Variants in GRIP1 observed in about 807,000 individuals in gnomAD.
GRIP1 encodes glutamate receptor interacting protein 1, also known as glutamate receptor-interacting protein 1.
A neutral mutation model predicts 129.9 loss-of-function variants in GRIP1; 45 were observed. The observed-to-expected ratio is 0.35, with a 90% confidence interval of 0.27 to 0.44. The LOEUF is 0.44. Among genes scored for constraint, GRIP1 ranks in the 20% least tolerant of loss-of-function variants. The pLI is 1.00. For synonymous variants in GRIP1, 530 were observed against 520.8 expected, an observed-to-expected ratio of 1.02 and a Z score of -0.24; for missense variants, 1,196 against 1,396.8, an observed-to-expected ratio of 0.86 and a Z score of 2.29.
intron 2 of GRIP1, among the ~76,000 whole-genome samples, chr12:66,561,930 C>T (rs2062548529): frequency 6.6e-6 from 1 of 151,748 alleles, no homozygotes; most frequent in East Asian, 1.9e-4. Flanking sequence ...TCTGTCTCTA[C>T]AAAAAGATTT....
At chr12:66,522,863 T>G (rs12813160) in intron 5 of GRIP1, among the ~76,000 whole-genome samples, 7 of 151,890 alleles carry the variant, frequency 4.6e-5, no homozygotes, top group African/African-American at 1.7e-4. Flanking sequence ...AGCCAAGGCT[T>G]GAGAACTATG....
intron 1 of GRIP1, among the ~76,000 whole-genome samples, chr12:66,647,622 G>T (rs2032476389): frequency 6.6e-6 from 1 of 152,174 alleles, no homozygotes; most frequent in African/African-American, 2.4e-5. Flanking sequence ...GGAAGAGAAA[G>T]AAGGCTAACC....
intron 1 of GRIP1, among the ~76,000 whole-genome samples, chr12:66,962,569 C>T (rs1392629522): frequency 6.6e-6 from 1 of 152,032 alleles, no homozygotes; most frequent in African/African-American, 2.4e-5. Context: ...CCTATGAAGC[C>T]ACGGCATTAA....
At chr12:67,054,880 C>G (rs1589971) in intron 1 of GRIP1, among the ~76,000 whole-genome samples, 122,822 of 152,102 alleles carry the variant, frequency 0.81, 50,341 homozygotes, top group South Asian at 0.89. Context: ...GGAAAAGCAG[C>G]ATAATGTGAT....
At chr12:66,564,300 C>A (rs145604546) in intron 2 of GRIP1, among the ~76,000 whole-genome samples, 1 of 131,856 alleles carries the variant, frequency 7.6e-6, no homozygotes, top group African/African-American at 2.9e-5. Context: ...CAACAGGCTC[C>A]GGTGTGTGAT....
intron 1 of GRIP1, among the ~76,000 whole-genome samples, chr12:66,825,386 C>T (rs1411921900): frequency 6.6e-6 from 1 of 152,156 alleles, no homozygotes; most frequent in Non-Finnish European, 1.5e-5. Context: ...CACGCATGAT[C>T]ATATTATTTC....
intron 1 of GRIP1, among the ~76,000 whole-genome samples, chr12:66,867,886 C>CA (rs2040232590): frequency 6.6e-6 from 1 of 151,904 alleles, no homozygotes; most frequent in South Asian, 2.1e-4. Flanking sequence ...GAGCAGGGAA[C>CA]AAAAATCTTC....
chr12:66,581,015 T>A (rs960929604), intron 2 of GRIP1, among the ~76,000 whole-genome samples: 2 of 152,012 alleles, frequency 1.3e-5, no homozygotes, highest in South Asian at 2.1e-4. Context: ...GAAGTAAAGC[T>A]CTCCTCAGGA....
chr12:66,691,090 T>C (rs2034968421), intron 1 of GRIP1, among the ~76,000 whole-genome samples: 1 of 152,218 alleles, frequency 6.6e-6, no homozygotes, highest in Non-Finnish European at 1.5e-5. Flanking sequence ...TAGTCAAGGG[T>C]AATTTTCATT....
chr12:66,509,518 G>C (rs1208347616), intron 7 of GRIP1, among the ~76,000 whole-genome samples: 2 of 152,070 alleles, frequency 1.3e-5, no homozygotes, highest in Admixed American at 1.3e-4. Flanking sequence ...TTTTTCCTTA[G>C]ATGTTCATGC....
chr12:66,584,576 G>T (rs541810742), intron 2 of GRIP1, among the ~76,000 whole-genome samples: 2 of 152,124 alleles, frequency 1.3e-5, no homozygotes, highest in South Asian at 2.1e-4. Context: ...AATATTCTGG[G>T]TGTTATAAAA....
intron 2 of GRIP1, among the ~76,000 whole-genome samples, chr12:66,551,980 G>A (rs1294868692): frequency 6.6e-6 from 1 of 152,152 alleles, no homozygotes; most frequent in Admixed American, 6.5e-5. Context: ...GAGTCCAGCT[G>A]AACAACAAGG....
intron 1 of GRIP1, among the ~76,000 whole-genome samples, chr12:66,848,084 T>C (rs573013894): frequency 2.0e-5 from 3 of 152,300 alleles, no homozygotes; most frequent in Admixed American, 2.0e-4. Context: ...AATACCGTAA[T>C]GCTAACATCA....
At chr12:66,445,961 A>C (rs1486607769) in intron 11 of GRIP1, among the ~76,000 whole-genome samples, 1 of 152,142 alleles carries the variant, frequency 6.6e-6, no homozygotes, top group Admixed American at 6.5e-5. Context: ...CTTTTAAACA[A>C]TCCTATCTTC....
upstream of GRIP1, among the ~76,000 whole-genome samples, chr12:66,682,252 C>T (rs954575816): frequency 1.8e-4 from 27 of 152,150 alleles, 1 homozygote; most frequent in African/African-American, 6.0e-4. Flanking sequence ...TGAAGCACAG[C>T]TCATGGTTCT....
At chr12:66,423,433 C>G (rs2057876695) in intron 14 of GRIP1, among the ~76,000 whole-genome samples, 1 of 152,186 alleles carries the variant, frequency 6.6e-6, no homozygotes, top group South Asian at 2.1e-4. Context: ...CCTTTGATTT[C>G]CCATTTGCCT....
At chr12:66,666,878 CTT>C (rs544709613) in intron 1 of GRIP1, among the ~76,000 whole-genome samples, 5 of 143,974 alleles carry the variant, frequency 3.5e-5, no homozygotes, top group Admixed American at 6.9e-5. Context: ...ACATTGAAAC[CTT>C]TTTTTTTTTT....
intron 1 of GRIP1, among the ~76,000 whole-genome samples, chr12:66,609,549 G>A (rs1012217092): frequency 1.3e-5 from 2 of 152,104 alleles, no homozygotes; most frequent in African/African-American, 4.8e-5. Flanking sequence ...ATCTTCATTT[G>A]CTTCTAAGAC....
At chr12:66,718,268 G>A (rs375147925) in intron 1 of GRIP1, among the ~76,000 whole-genome samples, 4 of 152,072 alleles carry the variant, frequency 2.6e-5, no homozygotes, top group African/African-American at 9.7e-5. Context: ...TGCAGTGATT[G>A]CCAAGGTTTG....
Sources: gnomAD v4.1 joint callset for allele counts (sites outside exome capture counted in the v4.1 genomes callset) on GRCh38, gnomAD v4.1.1 for gene constraint, MANE v1.5 for transcripts, NCBI Gene and HGNC (gene_info 2026-07-23, HGNC 2026-07-21) for gene names.